The following PCDH17 variants were observed in gnomAD, a reference collection of about 807,000 sequenced individuals.
PCDH17 encodes the protein protocadherin-17.
Under a neutral mutation model 67.7 loss-of-function variants are expected in PCDH17, and 21 were observed. The ratio of observed to expected loss-of-function variants is 0.31; its 90% CI spans 0.22 to 0.45. PCDH17 has a LOEUF of 0.45. Among genes scored for constraint, PCDH17 ranks in the 20% least tolerant of loss-of-function variants. The pLI is 1.00. For missense variants in PCDH17, 1,471 were observed against 1,564.8 expected (o/e 0.94, Z 1.01); for synonymous variants, 701 against 656.7 (o/e 1.07, Z -1.03).
At chr13:57,699,372 T>G (rs530476893) in intron 3 of PCDH17, among the ~76,000 whole-genome samples, 6 of 152,224 alleles carry the variant, frequency 3.9e-5, no homozygotes, top group South Asian at 4.1e-4. Context: ...TCTTTATAAT[T>G]TTAATTATTG....
chr13:57,663,969 G>A (rs1955217402), intron 1 of PCDH17, among the ~76,000 whole-genome samples: 1 of 151,954 alleles, frequency 6.6e-6, no homozygotes, highest in Non-Finnish European at 1.5e-5. Context: ...CAGTGGTGCT[G>A]TCACAGCTCA....
Position 57,666,532 on chromosome 13 carries a change from G to T in PCDH17, c.2624+6G>T. ...AGGCAGCAGTTTGTTCAAAGGTAAG[G>T]CCTATTAAATAACTTTTCTCAGCTT... On this transcript the variant is annotated splice_donor_region_variant and intron_variant, in intron 2 of 3. Coordinates refer to ENST00000377918, the MANE Select transcript of PCDH17 (RefSeq NM_001040429.3). 1.2e-6 allele frequency: 2 copies of T among 1,613,480 alleles called. No individual in the cohort carries two copies. Among genetic ancestry groups the T allele is most frequent in the Non-Finnish European group, 1.7e-6 (2 of 1,179,520 alleles).
rs1009259266 is a variant in PCDH17 at position 57,636,940 on chromosome 13, T to G, written c.2565+1829T>G. On this transcript the variant is annotated intron_variant, in intron 1 of 3. Transcript: ENST00000377918. ...CAGAATTTTCAACAAGCCTGATTCC[T>G]TTGTTAGACTAGTGGGGAACAATCT... 2.0e-5 allele frequency among the ~76,000 whole-genome samples: 3 copies of G among 152,132 alleles called. No individual in the cohort carries two copies. In the South Asian group the frequency reaches 6.2e-4, roughly 31 times the overall value.
chr13:57,727,655 A>G lies in PCDH17; in HGVS notation c.*2361A>G, dbSNP rs1207068285. The G allele has an allele frequency of 6.6e-6, 1 of 152,124 alleles. No individual in the cohort carries two copies. Among genetic ancestry groups the G allele is most frequent in the African/African-American group, 2.4e-5 (1 of 41,440 alleles). 9.4% of individuals were successfully genotyped at this position (152,124 alleles called of 1,614,324 possible). A position where few individuals can be genotyped will look rare whatever the true frequency, so the allele number is the denominator to read the frequency against. ...AATTAGAAAAGAAGGGACCTTGTAC[A>G]TGTGAAACCTAATTGACTCTCTATA... is the stretch of plus-strand genomic sequence containing the variant. On this transcript the variant is annotated 3_prime_UTR_variant, in exon 4 of 4. Transcript: ENST00000377918.
chr13:57,641,570 AAAAAAAAAAAAAAAAAAATATATATATAT>A (rs1954896034), intron 1 of PCDH17, among the ~76,000 whole-genome samples: 1 of 25,194 alleles, frequency 4.0e-5, no homozygotes, highest in Admixed American at 3.8e-4. Flanking sequence ...AAAAAAAAAA[AAAAAAAAAAAAAAAAAAATATATATATAT>A]ATATATATAT....
At chr13:57,695,683 C>T (rs1955600003) in intron 3 of PCDH17, among the ~76,000 whole-genome samples, 1 of 151,156 alleles carries the variant, frequency 6.6e-6, no homozygotes, top group Non-Finnish European at 1.5e-5. Flanking sequence ...AAACTGGGGC[C>T]AAATTTAAAT....
chr13:57,719,831 A>G (rs1380623615), intron 3 of PCDH17, among the ~76,000 whole-genome samples: 1 of 151,982 alleles, frequency 6.6e-6, no homozygotes, highest in Non-Finnish European at 1.5e-5. Context: ...TTTCCACAAT[A>G]ACTATGTTCA....
upstream of PCDH17, among the ~76,000 whole-genome samples, chr13:57,630,431 T>A (rs1001854561): frequency 6.6e-6 from 1 of 150,948 alleles, no homozygotes; most frequent in Non-Finnish European, 1.5e-5. Flanking sequence ...ATAGAAAAAA[T>A]TGAGAGGAAA....
At chr13:57,672,913 G>A (rs1955340582) in intron 3 of PCDH17, among the ~76,000 whole-genome samples, 1 of 151,970 alleles carries the variant, frequency 6.6e-6, no homozygotes, top group Admixed American at 6.6e-5. Flanking sequence ...GTTTACTTCT[G>A]TAACCGGGTA....
At chr13:57,674,137 CAT>C (rs1228154959) in intron 3 of PCDH17, among the ~76,000 whole-genome samples, 3 of 151,904 alleles carry the variant, frequency 2.0e-5, no homozygotes, top group African/African-American at 4.8e-5. Context: ...ACTACGGACT[CAT>C]GTGATTTTGA....
chr13:57,696,582 C>T (rs913684397), intron 3 of PCDH17, among the ~76,000 whole-genome samples: 3 of 151,204 alleles, frequency 2.0e-5, no homozygotes, highest in Admixed American at 6.6e-5. Context: ...ATTAATTCTT[C>T]GCAGCCTGTC....
intron 1 of PCDH17, among the ~76,000 whole-genome samples, chr13:57,653,027 C>T (rs1955060485): frequency 6.6e-6 from 1 of 152,088 alleles, no homozygotes; most frequent in Non-Finnish European, 1.5e-5. Flanking sequence ...CAAATAGGAA[C>T]CTGGCAGTAG....
rs1158989461 is a variant in PCDH17 at position 57,724,750 on chromosome 13, A to G, written c.2936A>G (p.Glu979Gly). The G allele has an allele frequency of 3.1e-6, 5 of 1,614,148 alleles. No individual in the cohort carries two copies. Among genetic ancestry groups the G allele is most frequent in the Non-Finnish European group, 4.2e-6 (5 of 1,180,002 alleles). ...YRTNLFVPTV[E>G]ANVETETYET... ...ACAAATCTCTTTGTACCTACAGTTG[A>G]AGCTAATGTTGAGACTGAGACTTAC... is the stretch of plus-strand genomic sequence containing the variant. The change falls in exon 4 of 4, where the codon GAA (glutamate) becomes GGA (glycine). Residue 979 changes from glutamate (E) to glycine (G), a missense_variant. This residue lies in a region of PCDH17 where 297 missense variants were observed against 298.6 expected (regional missense o/e 0.99). Transcript: ENST00000377918.
chr13:57,660,032 A>C (rs899171085), intron 1 of PCDH17, among the ~76,000 whole-genome samples: 1 of 152,082 alleles, frequency 6.6e-6, no homozygotes, highest in Non-Finnish European at 1.5e-5. Flanking sequence ...CATGAGTTCG[A>C]GTTCGAGACT....
At chr13:57,640,015 A>G (rs1954871175) in intron 1 of PCDH17, among the ~76,000 whole-genome samples, 1 of 151,996 alleles carries the variant, frequency 6.6e-6, no homozygotes, top group African/African-American at 2.4e-5. Context: ...ATAGATGCAG[A>G]TTTTGTATAT....
chr13:57,709,362 T>G (rs1955753398), intron 3 of PCDH17, among the ~76,000 whole-genome samples: 1 of 151,766 alleles, frequency 6.6e-6, no homozygotes, highest in Non-Finnish European at 1.5e-5. Flanking sequence ...ATTATTTTAT[T>G]TAAGGTTAAT....
chr13:57,638,140 A>C (rs1354952751), intron 1 of PCDH17, among the ~76,000 whole-genome samples: 4 of 152,246 alleles, frequency 2.6e-5, no homozygotes, highest in African/African-American at 7.2e-5. Flanking sequence ...ATTTTGAAGA[A>C]TAGGAGCACA....
chr13:57,693,314 T>TTATATATATATATATA (rs1442107442), intron 3 of PCDH17, among the ~76,000 whole-genome samples: 2 of 41,306 alleles, frequency 4.8e-5, no homozygotes, highest in Non-Finnish European at 4.6e-5. Flanking sequence ...TCACTTACAT[T>TTATATATATATATATA]CATATATATA....
rs1566250476 is a variant in PCDH17 at position 57,725,301 on chromosome 13, A to G, written c.*7A>G. 3 of 1,118,332 alleles carry G rather than the reference A, an allele frequency of 2.7e-6. No individual in the cohort carries two copies. Among genetic ancestry groups the G allele is most frequent in the South Asian group, 1.7e-5 (1 of 58,960 alleles). The allele number at this position is 1,118,332 out of a possible 1,614,324, so 69.3% of individuals were successfully genotyped here. On this transcript the variant is annotated 3_prime_UTR_variant, in exon 4 of 4. Coordinates refer to ENST00000377918, the MANE Select transcript of PCDH17 (RefSeq NM_001040429.3). ...TGTGGCTGTGAGAAAGTGAAAAAAGAAAAAAAAAAAGGCATTGGCATTTTC... is the reference window on the plus strand; with the variant it reads ...TGTGGCTGTGAGAAAGTGAAAAAAGGAAAAAAAAAAGGCATTGGCATTTTC...
Sources: gnomAD v4.1 joint callset for allele counts (sites outside exome capture counted in the v4.1 genomes callset) on GRCh38, gnomAD v4.1.1 for gene constraint, gnomAD v4.1.1 regional missense constraint, MANE v1.5 for transcripts, NCBI Gene and HGNC (gene_info 2026-07-23, HGNC 2026-07-21) for gene names.